Variants in RIN2 observed in about 807,000 individuals in gnomAD.
RIN2 encodes the protein Ras and Rab interactor 2.
Under a neutral mutation model 78.0 loss-of-function variants are expected in RIN2, and 36 were observed. That is an observed-to-expected ratio of 0.46 (90% CI 0.35 to 0.61). RIN2 has a LOEUF of 0.61. Ranked by LOEUF, RIN2 falls within the 20% of genes least tolerant of loss-of-function variation. The pLI is 0.00. For synonymous variants in RIN2, 466 were observed against 466.8 expected, an observed-to-expected ratio of 1.00 and a Z score of 0.02; for missense variants, 1,087 against 1,159.7, an observed-to-expected ratio of 0.94 and a Z score of 0.91.
At chr20:19,862,672 C>T (rs1052839131) in intron 2 of RIN2, among the ~76,000 whole-genome samples, 2 of 152,174 alleles carry the variant, frequency 1.3e-5, no homozygotes, top group South Asian at 2.1e-4. Flanking sequence ...CCCATTGCCA[C>T]GGACTGAATA....
intron 2 of RIN2, among the ~76,000 whole-genome samples, chr20:19,808,964 C>T (rs990552686): frequency 1.3e-5 from 2 of 152,230 alleles, no homozygotes; most frequent in African/African-American, 4.8e-5. Context: ...AGCCAGGATG[C>T]AGTCAGCACC....
chr20:19,788,394 A>G (rs1169000839), intron 1 of RIN2, among the ~76,000 whole-genome samples: 4 of 148,086 alleles, frequency 2.7e-5, no homozygotes, highest in African/African-American at 1.0e-4. Context: ...CAGGAGTTCA[A>G]GACTAGCCTG....
chr20:19,895,255 C>T (rs1349173900), intron 3 of RIN2, among the ~76,000 whole-genome samples: 2 of 152,184 alleles, frequency 1.3e-5, no homozygotes, highest in Non-Finnish European at 2.9e-5. Flanking sequence ...ATTCATAACT[C>T]TGCCATAAGG....
At chr20:19,929,373 C>T (rs28432173) in intron 3 of RIN2, among the ~76,000 whole-genome samples, 13,916 of 151,928 alleles carry the variant, frequency 0.092, 1,089 homozygotes, top group African/African-American at 0.22. Flanking sequence ...TTGTTTTGGT[C>T]TGGTTTGAGA....
Position 19,785,511 on chromosome 20 carries a change from C to G in RIN2, c.-162-14111C>G, listed in dbSNP as rs189998177. Reference sequence around the variant, plus strand: ...GCTTTTGTGCTGCCAGGCAGGACATCCTTTCAGTGGACAGTAGATGGACAA... The same window carrying G: ...GCTTTTGTGCTGCCAGGCAGGACATGCTTTCAGTGGACAGTAGATGGACAA... On this transcript the variant is annotated intron_variant, in intron 1 of 12. Transcript: ENST00000255006. Among the ~76,000 whole-genome samples, 3 of 152,280 alleles carry G rather than the reference C, an allele frequency of 2.0e-5. No homozygotes were observed. In the East Asian group the frequency reaches 5.8e-4, roughly 29 times the overall value.
intron 12 of RIN2, 132 bp from the exon 13 acceptor site, chr20:20,000,481 G>T (rs960347809): frequency 4.3e-5 from 30 of 690,888 alleles, no homozygotes; most frequent in Non-Finnish European, 6.6e-5. Context: ...GAAGCCTCGT[G>T]GCCTGACATC....
At chr20:19,896,028 G>A (rs749291513) in intron 3 of RIN2, 3 of 152,184 alleles carry the variant, frequency 2.0e-5, no homozygotes, top group Non-Finnish European at 2.9e-5. Context: ...TCCCAGTAAT[G>A]GAGTTTTCAG....
intron 5 of RIN2, 86 bp from the exon 6 acceptor site, chr20:19,960,614 A>C: frequency 1.0e-6 from 1 of 983,002 alleles, no homozygotes; most frequent in Non-Finnish European, 1.6e-6. Flanking sequence ...AAGGGATTCT[A>C]TTCATTGAGT....
At chr20:19,784,760 G>A (rs150373690) in intron 1 of RIN2, among the ~76,000 whole-genome samples, 1 of 152,218 alleles carries the variant, frequency 6.6e-6, no homozygotes, top group East Asian at 1.9e-4. Flanking sequence ...GAGAAGGGCA[G>A]GAGTGTGCAT....
At chr20:19,881,337 C>T (rs2038021674) in intron 2 of RIN2, among the ~76,000 whole-genome samples, 2 of 152,156 alleles carry the variant, frequency 1.3e-5, no homozygotes, top group Non-Finnish European at 1.5e-5. Flanking sequence ...AGTTGTTAAA[C>T]ATTTCCCTGC....
intron 1 of RIN2, among the ~76,000 whole-genome samples, chr20:19,768,143 T>G (rs1038599613): frequency 3.9e-5 from 6 of 152,076 alleles, no homozygotes; most frequent in Admixed American, 1.3e-4. Flanking sequence ...TTCTGCCTGG[T>G]CTCTCCCTAT....
intron 1 of RIN2, among the ~76,000 whole-genome samples, chr20:19,771,845 G>A (rs985038654): frequency 3.3e-5 from 5 of 151,942 alleles, no homozygotes; most frequent in East Asian, 1.9e-4. Context: ...GTTCCACTCC[G>A]ACTCTCCCTT....
At chr20:19,811,357 T>C (rs73904803) in intron 2 of RIN2, among the ~76,000 whole-genome samples, 3,286 of 152,260 alleles carry the variant, frequency 0.022, 95 homozygotes, top group East Asian at 0.098. Context: ...GGGGTGTTTA[T>C]CCACAACTTC....
At chr20:19,860,062 G>C (rs1363927058) in intron 2 of RIN2, among the ~76,000 whole-genome samples, 1 of 152,186 alleles carries the variant, frequency 6.6e-6, no homozygotes, top group Non-Finnish European at 1.5e-5. Flanking sequence ...CTCATCCCAA[G>C]GTGCAAAGGA....
chr20:19,768,343 G>A (rs1162283906), intron 1 of RIN2, among the ~76,000 whole-genome samples: 1 of 152,210 alleles, frequency 6.6e-6, no homozygotes, highest in East Asian at 1.9e-4. Context: ...GGTGCAAACT[G>A]GAATGCTCTG....
At chr20:19,779,883 C>T (rs894818401) in intron 1 of RIN2, among the ~76,000 whole-genome samples, 2 of 152,082 alleles carry the variant, frequency 1.3e-5, no homozygotes, top group Admixed American at 1.3e-4. Context: ...CTGTGGTTTG[C>T]CTAAGCATAG....
chr20:19,768,208 G>A (rs998260807), intron 1 of RIN2, among the ~76,000 whole-genome samples: 1 of 152,206 alleles, frequency 6.6e-6, no homozygotes, highest in African/African-American at 2.4e-5. Flanking sequence ...GATGAGGGAA[G>A]GTCTCAGACC....
intron 6 of RIN2, 110 bp from the exon 7 acceptor site, chr20:19,964,842 T>G: frequency 1.2e-6 from 1 of 868,152 alleles, no homozygotes; most frequent in Non-Finnish European, 1.9e-6. Flanking sequence ...AGCCACACGG[T>G]AGTTTGTTTG....
chr20:19,818,107 G>A (rs1004544506), intron 2 of RIN2, among the ~76,000 whole-genome samples: 2 of 152,066 alleles, frequency 1.3e-5, no homozygotes, highest in Non-Finnish European at 2.9e-5. Flanking sequence ...AGCATGTACT[G>A]TACTGAATAC....
Sources: gnomAD v4.1 joint callset for allele counts (sites outside exome capture counted in the v4.1 genomes callset) on GRCh38, gnomAD v4.1.1 for gene constraint, MANE v1.5 for transcripts, NCBI Gene and HGNC (gene_info 2026-07-23, HGNC 2026-07-21) for gene names.